The following SYT2 variants were observed in gnomAD, a reference collection of about 807,000 sequenced individuals.
SYT2 encodes the protein synaptotagmin 2.
In SYT2, 15 loss-of-function variants were observed where a neutral mutation model predicts 39.9. That is an observed-to-expected ratio of 0.38 (90% CI 0.25 to 0.58). The LOEUF (loss-of-function observed/expected upper bound fraction) is 0.58. Among genes scored for constraint, SYT2 ranks in the 20% least tolerant of loss-of-function variants. The pLI, the probability that SYT2 is intolerant of heterozygous loss-of-function variation, is 0.70. For missense variants in SYT2, 389 were observed against 530.3 expected, an observed-to-expected ratio of 0.73 and a Z score of 2.62; for synonymous variants, 181 against 204.5, an observed-to-expected ratio of 0.89 and a Z score of 0.98.
At chr1:202,699,838 G>A (rs1040202252) in intron 1 of SYT2, among the ~76,000 whole-genome samples, 2 of 151,922 alleles carry the variant, frequency 1.3e-5, no homozygotes, top group South Asian at 2.1e-4. Flanking sequence ...GCATGGTCTC[G>A]TATGTCGGTT....
chr1:202,633,421 G>C (rs181619886), intron 1 of SYT2, among the ~76,000 whole-genome samples: 16 of 152,152 alleles, frequency 1.1e-4, no homozygotes, highest in Admixed American at 9.2e-4. Context: ...TGAGAGAATA[G>C]AAGGTCTCCA....
chr1:202,638,534 G>A (rs1266978747), intron 1 of SYT2, among the ~76,000 whole-genome samples: 1 of 152,240 alleles, frequency 6.6e-6, no homozygotes, highest in Non-Finnish European at 1.5e-5. Flanking sequence ...CAGGGAGCTG[G>A]AAGCTGGGGA....
chr1:202,613,691 G>A (rs187562504), intron 1 of SYT2, among the ~76,000 whole-genome samples: 1 of 152,018 alleles, frequency 6.6e-6, no homozygotes, highest in African/African-American at 2.4e-5. Flanking sequence ...TACCCTTGCC[G>A]CTGGATTGGC....
rs112254314 is a variant in SYT2, at chr1:202,599,313, T to G, written c.958A>C (p.Arg320=). 9.4e-4 allele frequency: 1,511 copies of G among 1,608,254 alleles called. 19 individuals carry two copies. In the African/African-American group the frequency reaches 0.018, roughly 19 times the overall value. The change falls in exon 8 of 9, where the codon AGG becomes CGG. Residue 320 remains arginine (R), a synonymous_variant. Coordinates refer to ENST00000367268, the MANE Select transcript of SYT2 (RefSeq NM_177402.5). This position sits in a 1 kb window ranked among gnomAD's most constrained non-coding sequence, Gnocchi z 4.4. The stretch of plus-strand genomic sequence containing the variant: ...ACGGTTGTCTTCTTCTTCTTGAGCC[T>G]CTTGCCATTCTGCATCAGGTGGATC... ...VKIHLMQNGK[R]LKKKKTTVKK... is the part of the protein sequence containing the mutation.
At position 202,596,655 on chromosome 1, in the gene SYT2, A is replaced by G; in HGVS notation, c.*102T>C. ...AAACAAGGACACAACCACCCAACAA[A>G]TGAAAGAAAAAAGAAAACCTCTAAG... On this transcript the variant is annotated 3_prime_UTR_variant, in exon 9 of 9. Transcript: ENST00000367268. The G allele has an allele frequency of 8.5e-7, 1 of 1,170,480 alleles. No individual in the cohort carries two copies. 72.5% of individuals were successfully genotyped at this position (1,170,480 alleles called of 1,614,324 possible). A position where few individuals can be genotyped will look rare whatever the true frequency, so the allele number is the denominator to read the frequency against.
At chr1:202,637,525 C>G (rs966652621) in intron 1 of SYT2, among the ~76,000 whole-genome samples, 1 of 152,226 alleles carries the variant, frequency 6.6e-6, no homozygotes, top group Non-Finnish European at 1.5e-5. Context: ...AGGCTGCAAT[C>G]TGTCTCTGAG....
At chr1:202,668,229 C>A (rs112352111) in intron 1 of SYT2, among the ~76,000 whole-genome samples, 96 of 152,206 alleles carry the variant, frequency 6.3e-4, no homozygotes, top group Non-Finnish European at 1.2e-3. Flanking sequence ...CTCGTGCGCT[C>A]ATCCACATCT....
At chr1:202,617,929 G>T (rs1691091991) in intron 1 of SYT2, among the ~76,000 whole-genome samples, 1 of 152,124 alleles carries the variant, frequency 6.6e-6, no homozygotes, top group Non-Finnish European at 1.5e-5. Flanking sequence ...TGTTGAGATG[G>T]AGTCTCGCTG....
At chr1:202,606,520 G>A (rs566671586) in intron 1 of SYT2, among the ~76,000 whole-genome samples, 5 of 152,064 alleles carry the variant, frequency 3.3e-5, no homozygotes, top group South Asian at 2.1e-4. Flanking sequence ...CTCCTGCCCC[G>A]CGAGACTCCT....
At chr1:202,647,170 A>G (rs911501597) in intron 1 of SYT2, among the ~76,000 whole-genome samples, 6 of 152,164 alleles carry the variant, frequency 3.9e-5, no homozygotes, top group Admixed American at 6.5e-5. Flanking sequence ...CACAGACTAA[A>G]ATAAAGGCCC....
intron 1 of SYT2, among the ~76,000 whole-genome samples, chr1:202,677,544 A>G (rs2149111348): frequency 6.6e-6 from 1 of 152,314 alleles, no homozygotes; most frequent in African/African-American, 2.4e-5. Context: ...GCTGATGGCC[A>G]GCCCCAACTC....
chr1:202,603,930 T>C (rs972854876), intron 3 of SYT2, among the ~76,000 whole-genome samples: 1 of 152,052 alleles, frequency 6.6e-6, no homozygotes, highest in East Asian at 1.9e-4. Flanking sequence ...CTCTGCAAAC[T>C]TAAAAGAAGA....
At chr1:202,692,660 G>A (rs1397098335) in intron 1 of SYT2, among the ~76,000 whole-genome samples, 1 of 152,210 alleles carries the variant, frequency 6.6e-6, no homozygotes, top group African/African-American at 2.4e-5. Flanking sequence ...GAAAAAGTGG[G>A]GCCCGTAAAG....
chr1:202,690,177 C>T (rs1461953786), intron 1 of SYT2, among the ~76,000 whole-genome samples: 1 of 152,270 alleles, frequency 6.6e-6, no homozygotes, highest in Non-Finnish European at 1.5e-5. Flanking sequence ...CACGGTCCTA[C>T]TGAGCGCCCA....
At chr1:202,647,518 C>T (rs1196835951) in intron 1 of SYT2, among the ~76,000 whole-genome samples, 2 of 152,082 alleles carry the variant, frequency 1.3e-5, no homozygotes, top group Non-Finnish European at 2.9e-5. Context: ...GTAGCTGAGG[C>T]TACCTGCCTG....
intron 1 of SYT2, among the ~76,000 whole-genome samples, chr1:202,638,181 C>T (rs377364473): frequency 2.6e-4 from 40 of 152,346 alleles, no homozygotes; most frequent in African/African-American, 8.2e-4. Flanking sequence ...CTGAAGCAGA[C>T]GGCAGCTGCT....
chr1:202,626,397 G>GTTTTTTTT lies in SYT2; in HGVS notation c.-17-20609_-17-20608insAAAAAAAA, dbSNP rs1558437010. Among the ~76,000 whole-genome samples, 10 of 102,440 alleles carry GTTTTTTTT rather than the reference G, an allele frequency of 9.8e-5. No individual in the cohort carries two copies. The East Asian group carries it at 1.7e-3, about 17-fold the overall frequency. The allele number at this position is 102,440 out of a possible 152,430, so 67.2% of individuals were successfully genotyped here. On this transcript the variant is annotated intron_variant, in intron 1 of 8. Coordinates refer to ENST00000367268, the MANE Select transcript of SYT2 (RefSeq NM_177402.5). ...TTGCATCTCCCAAGACAGCCTCTCA[G>GTTTTTTTT]CTTTTTTTTTTTTTTTTTTTTTTTT...
chr1:202,654,085 AAATC>A (rs1572660081), intron 1 of SYT2, among the ~76,000 whole-genome samples: 1 of 152,084 alleles, frequency 6.6e-6, no homozygotes, highest in African/African-American at 2.4e-5. Flanking sequence ...CAAAAAGAGG[AAATC>A]AATTGAGTGT....
At chr1:202,679,113 A>C (rs1242047470) in intron 1 of SYT2, among the ~76,000 whole-genome samples, 6 of 151,576 alleles carry the variant, frequency 4.0e-5, no homozygotes, top group African/African-American at 1.5e-4. Flanking sequence ...CTCCCCTCCT[A>C]CTGCTCCTTC....
Sources: gnomAD v4.1 joint callset for allele counts (sites outside exome capture counted in the v4.1 genomes callset) on GRCh38, gnomAD v4.1.1 for gene constraint, Gnocchi (gnomAD v3.1) non-coding constraint, MANE v1.5 for transcripts, NCBI Gene and HGNC (gene_info 2026-07-23, HGNC 2026-07-21) for gene names.